TDP2: variants seen among roughly 807,000 people sequenced by gnomAD.
TDP2 encodes the protein tyrosyl-DNA phosphodiesterase 2, also known as 5'-Tyr-DNA phosphodiesterase.
A neutral mutation model predicts 42.8 loss-of-function variants in TDP2; 38 were observed. The ratio of observed to expected loss-of-function variants is 0.89; its 90% CI spans 0.68 to 1.16. The LOEUF is 1.16. TDP2 is among the 50% of genes most tolerant of loss of function. TDP2 has a pLI of 0.00. For synonymous variants in TDP2, 173 were observed against 150.6 expected, an observed-to-expected ratio of 1.15 and a Z score of -1.09; for missense variants, 439 against 439.3, an observed-to-expected ratio of 1.00 and a Z score of 0.01.
At position 24,650,721 on chromosome 6, in the gene TDP2, C is replaced by T; in HGVS notation, c.*67G>A. The T allele has an allele frequency of 6.6e-7, 1 of 1,523,534 alleles. No homozygotes were observed. The highest frequency in any genetic ancestry group is 9.0e-7 in the Non-Finnish European group (1 of 1,116,510). The allele number at this position is 1,523,534 out of a possible 1,614,324, so 94.4% of individuals were successfully genotyped here. ...GTACATTATTTCCTCCACAGCAAAC[C>T]TACCTTTCCAGAAGGTGGAAATTGT... is the stretch of plus-strand genomic sequence containing the variant. On this transcript the variant is annotated 3_prime_UTR_variant, in exon 7 of 7. Transcript: ENST00000378198.
At chr6:24,658,805 T>C (rs936067419) in intron 2 of TDP2, 71 bp from the exon 3 acceptor site, 3 of 1,482,644 alleles carry the variant, frequency 2.0e-6, no homozygotes, top group South Asian at 1.3e-5. Flanking sequence ...TTTGTATTTG[T>C]AGCCCTCATT....
At position 24,660,301 on chromosome 6, in the gene TDP2, T is replaced by C. The variant is rs1436905437; in HGVS notation, c.252-1567A>G. On this transcript the variant is annotated intron_variant, in intron 2 of 6. Coordinates refer to ENST00000378198, the MANE Select transcript of TDP2 (RefSeq NM_016614.3). Reference sequence around the variant, plus strand: ...AGAAGCGTGTCATTAGGTGATTTCATCATTATGCAAACATCATAGAGAGAA... The same window carrying C: ...AGAAGCGTGTCATTAGGTGATTTCACCATTATGCAAACATCATAGAGAGAA... Among the ~76,000 whole-genome samples, 13 of 152,320 alleles carry C rather than the reference T, an allele frequency of 8.5e-5. 2 individuals carry two copies. In the South Asian group the frequency reaches 2.3e-3, roughly 27 times the overall value.
At chr6:24,651,337 G>A (rs985580587) in intron 6 of TDP2, among the ~76,000 whole-genome samples, 1 of 152,094 alleles carries the variant, frequency 6.6e-6, no homozygotes, top group Non-Finnish European at 1.5e-5. Context: ...AACTTAGAAG[G>A]CTGAATATAC....
intron 4 of TDP2, among the ~76,000 whole-genome samples, chr6:24,655,062 G>GA (rs1010497408): frequency 1.3e-5 from 2 of 151,474 alleles, no homozygotes; most frequent in African/African-American, 2.4e-5. Context: ...AAATAAAAAT[G>GA]AAAAAAAATG....
chr6:24,654,382 T>A (rs376811160), intron 5 of TDP2, 30 bp downstream of exon 5: 7 of 1,112,852 alleles, frequency 6.3e-6, no homozygotes, highest in Admixed American at 2.5e-5. Context: ...CTTTTTTTTA[T>A]AAAACACTCA....
intron 4 of TDP2, among the ~76,000 whole-genome samples, chr6:24,655,018 A>G (rs1778041641): frequency 6.6e-6 from 1 of 152,246 alleles, no homozygotes; most frequent in Non-Finnish European, 1.5e-5. Flanking sequence ...AGCTTAGGCA[A>G]CAATAGTGAA....
In TDP2 at chr6:24,650,878, ACTTCGGGGAATAATGTGTCCCT is replaced by A; in HGVS notation, c.977_998del (p.Glu326ValfsTer7). The A allele has an allele frequency of 6.2e-7, 1 of 1,614,162 alleles. No homozygotes were observed. The highest frequency in any genetic ancestry group is 8.5e-7 in the Non-Finnish European group (1 of 1,180,012). Reference sequence around the variant, plus strand: ...GTTTTTCTAATCCAAGAAGGTCCAAACTTCGGGGAATAATGTGTCCCTCTTCTGCTGCTGCTCTGAAAAATAT... The same window carrying A: ...GTTTTTCTAATCCAAGAAGGTCCAAACTTCTGCTGCTGCTCTGAAAAATAT... On this transcript the variant is annotated frameshift_variant, in exon 7 of 7. Transcript: ENST00000378198. LOFTEE classifies it high-confidence loss of function.
At chr6:24,651,420 C>T (rs1454112514) in intron 6 of TDP2, among the ~76,000 whole-genome samples, 1 of 152,210 alleles carries the variant, frequency 6.6e-6, no homozygotes, top group Non-Finnish European at 1.5e-5. Context: ...TGCCACTCTA[C>T]TTTAGTCTAC....
intron 2 of TDP2, among the ~76,000 whole-genome samples, chr6:24,665,426 C>T (rs969887673): frequency 1.3e-5 from 2 of 152,136 alleles, no homozygotes. Context: ...AACAATTCCC[C>T]AACAAGAGGC....
In TDP2 at chr6:24,650,755, C is replaced by G. The variant is rs889767006; in HGVS notation, c.*33G>C. ...CAGAAGGTGGAAATTGTATTTGCAACAATCAGGGCAAAACCCACACTTGAA... is the reference window on the plus strand; with the variant it reads ...CAGAAGGTGGAAATTGTATTTGCAAGAATCAGGGCAAAACCCACACTTGAA... On this transcript the variant is annotated 3_prime_UTR_variant, in exon 7 of 7. Transcript: ENST00000378198. 4 of 1,595,928 alleles carry G rather than the reference C, an allele frequency of 2.5e-6. No homozygotes were observed. The highest frequency in any genetic ancestry group is 1.4e-5 in the African/African-American group (1 of 74,062).
At chr6:24,665,463 A>G (rs1304048755) in intron 2 of TDP2, among the ~76,000 whole-genome samples, 1 of 152,252 alleles carries the variant, frequency 6.6e-6, no homozygotes, top group African/African-American at 2.4e-5. Context: ...CCTAAAGAAA[A>G]TATCTTATCA....
chr6:24,666,056 G>A, intron 2 of TDP2: 1 of 1,517,590 alleles, frequency 6.6e-7, no homozygotes, highest in Non-Finnish European at 8.8e-7. Context: ...GCAGGAACTG[G>A]AGAGGGGCAC....
At position 24,666,755 on chromosome 6, in the gene TDP2, T is replaced by C; in HGVS notation, c.108A>G (p.Ala36=). ...RLLCVEFASV[A]SCDAAVAQCF... ...ACTGAGCCACTGCGGCATCGCAGCTTGCGACCGAGGCAAACTCCACACACA... is the reference window on the plus strand; with the variant it reads ...ACTGAGCCACTGCGGCATCGCAGCTCGCGACCGAGGCAAACTCCACACACA... Residue 36 remains alanine, a synonymous_variant, in exon 1 of 7, where the codon GCA becomes GCG. Transcript: ENST00000378198. The C allele has an allele frequency of 6.2e-7, 1 of 1,614,232 alleles. No individual in the cohort carries two copies. Among genetic ancestry groups the C allele is most frequent in the Non-Finnish European group, 8.5e-7 (1 of 1,180,036 alleles).
In TDP2 at chr6:24,654,547, A is replaced by G. The variant is rs762971437; in HGVS notation, c.518-17T>C. 2 of 1,354,902 alleles carry G rather than the reference A, an allele frequency of 1.5e-6. No homozygotes were observed. The highest frequency in any genetic ancestry group is 1.9e-5 in the Admixed American group (1 of 51,860). The allele number at this position is 1,354,902 out of a possible 1,614,324, so 83.9% of individuals were successfully genotyped here. ...CTTCATGACCTACAAATGTTTGTGG[A>G]AAAGAATTTAGGCTGAGAAGGTGAG... On this transcript the variant is annotated splice_polypyrimidine_tract_variant and intron_variant, in intron 4 of 6. Coordinates refer to ENST00000378198, the MANE Select transcript of TDP2 (RefSeq NM_016614.3).
chr6:24,662,933 T>C (rs1203450581), intron 2 of TDP2, among the ~76,000 whole-genome samples: 1 of 152,220 alleles, frequency 6.6e-6, no homozygotes, highest in Non-Finnish European at 1.5e-5. Flanking sequence ...TAGCTGAATT[T>C]AAAAATATAT....
At chr6:24,657,144 G>T (rs1436564579) in intron 4 of TDP2, among the ~76,000 whole-genome samples, 1 of 152,208 alleles carries the variant, frequency 6.6e-6, no homozygotes, top group Non-Finnish European at 1.5e-5. Flanking sequence ...AAATACGGTT[G>T]GTCCTCTGTA....
chr6:24,666,300 AC>A (rs1778234293), intron 2 of TDP2: 2 of 1,527,844 alleles, frequency 1.3e-6, no homozygotes, highest in African/African-American at 1.4e-5. Context: ...TCCTCCCTGG[AC>A]CCCAAATCAC....
intron 4 of TDP2, among the ~76,000 whole-genome samples, chr6:24,656,703 T>C (rs534940377): frequency 7.9e-5 from 12 of 152,320 alleles, no homozygotes; most frequent in African/African-American, 2.9e-4. Context: ...CATTGAAGAA[T>C]GCCTTCAGAA....
chr6:24,662,399 G>A (rs1778165313), intron 2 of TDP2, among the ~76,000 whole-genome samples: 1 of 152,170 alleles, frequency 6.6e-6, no homozygotes, highest in South Asian at 2.1e-4. Context: ...CTTATAGCTG[G>A]AGGTGAGACA....
Sources: gnomAD v4.1 joint callset for allele counts (sites outside exome capture counted in the v4.1 genomes callset) on GRCh38, gnomAD v4.1.1 for gene constraint, MANE v1.5 for transcripts, NCBI Gene and HGNC (gene_info 2026-07-23, HGNC 2026-07-21) for gene names.